The following ATP2B4 variants were observed in gnomAD, a reference collection of about 807,000 sequenced individuals.
ATP2B4 encodes plasma membrane calcium-transporting ATPase 4.
In ATP2B4, 39 loss-of-function variants were observed where a neutral mutation model predicts 110.3. The ratio of observed to expected loss-of-function variants is 0.35; its 90% CI spans 0.27 to 0.46. The LOEUF (loss-of-function observed/expected upper bound fraction) is 0.46, where lower values mean the gene tolerates loss of function less well. Ranked by LOEUF, ATP2B4 falls within the 20% of genes least tolerant of loss-of-function variation. ATP2B4 has a pLI of 1.00. For synonymous variants in ATP2B4, 538 were observed against 571.7 expected (o/e 0.94, Z 0.84); for missense variants, 1,135 against 1,530.9 (o/e 0.74, Z 4.32).
chr1:203,672,597 G>A (rs1180138095), intron 1 of ATP2B4, among the ~76,000 whole-genome samples: 2 of 152,148 alleles, frequency 1.3e-5, no homozygotes, highest in Non-Finnish European at 2.9e-5. Flanking sequence ...GTGTTATGGA[G>A]GCGGTGAGCC....
chr1:203,724,715 C>G (rs946891763), intron 19 of ATP2B4, among the ~76,000 whole-genome samples: 4 of 152,024 alleles, frequency 2.6e-5, no homozygotes, highest in Admixed American at 6.6e-5. Context: ...TTTCCAGCCT[C>G]TTCTCTTTCT....
intron 1 of ATP2B4, among the ~76,000 whole-genome samples, chr1:203,642,700 A>G (rs767270547): frequency 6.6e-5 from 10 of 152,154 alleles, no homozygotes; most frequent in Non-Finnish European, 1.2e-4. Flanking sequence ...TGTGTCCTAA[A>G]TCACCTAGTT....
intron 2 of ATP2B4, among the ~76,000 whole-genome samples, chr1:203,691,512 A>T (rs1244119763): frequency 6.6e-6 from 1 of 152,212 alleles, no homozygotes; most frequent in Non-Finnish European, 1.5e-5. Flanking sequence ...CTGTTTTCAA[A>T]AAAAGGCCAA....
intron 1 of ATP2B4, among the ~76,000 whole-genome samples, chr1:203,654,581 T>C (rs1664101158): frequency 6.6e-6 from 1 of 152,166 alleles, no homozygotes; most frequent in African/African-American, 2.4e-5. Context: ...GAATCCACCA[T>C]TCTAGAGGCC....
intron 20 of ATP2B4, among the ~76,000 whole-genome samples, chr1:203,736,863 C>T (rs960105385): frequency 5.3e-5 from 8 of 152,196 alleles, no homozygotes; most frequent in African/African-American, 1.9e-4. Context: ...TTCTCTGAGG[C>T]CAGTGCTGGA....
chr1:203,653,562 AG>A (rs1187261032), intron 1 of ATP2B4, among the ~76,000 whole-genome samples: 1 of 152,200 alleles, frequency 6.6e-6, no homozygotes, highest in Non-Finnish European at 1.5e-5. Context: ...CTTTCTCATT[AG>A]GGGCCAGGGC....
At chr1:203,693,500 CAAGT>C (rs1665444606) in intron 2 of ATP2B4, among the ~76,000 whole-genome samples, 1 of 152,150 alleles carries the variant, frequency 6.6e-6, no homozygotes. Context: ...AAGAAGCAAG[CAAGT>C]GACTTTGAGA....
chr1:203,698,738 G>C (rs1665607376), intron 3 of ATP2B4, among the ~76,000 whole-genome samples: 1 of 152,092 alleles, frequency 6.6e-6, no homozygotes, highest in South Asian at 2.1e-4. Context: ...CTGGGTTCAA[G>C]CAATTCTCGT....
Position 203,711,008 on chromosome 1 carries a change from A to G in ATP2B4, c.1931A>G (p.Asp644Gly), listed in dbSNP as rs774367222. Residue 644 changes from aspartate to glycine, a missense_variant, in exon 12 of 21, where the codon GAC becomes GGC. Asp to Gly is a moderately conservative substitution (Grantham distance 94). Around this residue, in one of 9 missense-constraint regions of ATP2B4, gnomAD observed 368 missense variants for 455.9 expected, o/e 0.81. Transcript: ENST00000357681. ...CGGACTATCTGCATAGCTTACCGGG[A>G]CTTCGATGACACAGAGCCCTCTTGG... ...GLRTICIAYR[D>G]FDDTEPSWDN... The G allele has an allele frequency of 1.4e-5, 23 of 1,613,954 alleles. No individual in the cohort carries two copies. The African/African-American group carries it at 2.4e-4, about 17-fold the overall frequency.
chr1:203,627,473 T>A (rs1439984546), intron 1 of ATP2B4, among the ~76,000 whole-genome samples: 2 of 152,124 alleles, frequency 1.3e-5, no homozygotes, highest in Non-Finnish European at 2.9e-5. Flanking sequence ...ATTCCTGGGC[T>A]ATGGGGTAGG....
rs977744035 is a variant in ATP2B4, at chr1:203,729,767, A to G, written c.3309+2196A>G. 2.2e-6 allele frequency: 3 copies of G among 1,338,210 alleles called. No homozygotes were observed. In the African/African-American group the frequency reaches 4.5e-5, roughly 20 times the overall value. 82.9% of individuals were successfully genotyped at this position (1,338,210 alleles called of 1,614,324 possible). A position where few individuals can be genotyped will look rare whatever the true frequency, so the allele number is the denominator to read the frequency against. The stretch of plus-strand genomic sequence containing the variant: ...TGGCCTCACATCCAATTGGGCAGGC[A>G]TTGGAGTCCGGGCACTGCCTGGAGC... On this transcript the variant is annotated intron_variant, in intron 20 of 20. Coordinates refer to ENST00000357681, the MANE Select transcript of ATP2B4 (RefSeq NM_001684.5).
intron 2 of ATP2B4, among the ~76,000 whole-genome samples, chr1:203,686,282 C>G (rs1665177287): frequency 6.6e-6 from 1 of 152,158 alleles, no homozygotes; most frequent in African/African-American, 2.4e-5. Flanking sequence ...CTTGATCCCT[C>G]TGGTCAGCTG....
At chr1:203,654,047 G>A (rs898211298) in intron 1 of ATP2B4, among the ~76,000 whole-genome samples, 10 of 145,564 alleles carry the variant, frequency 6.9e-5, no homozygotes, top group Admixed American at 5.6e-4. Flanking sequence ...GCAATTGTGC[G>A]ATCTCAGCTC....
In ATP2B4 at chr1:203,699,669, C is replaced by G; in HGVS notation, c.601C>G (p.Leu201Val). 6.2e-7 allele frequency: 1 copy of G among 1,614,198 alleles called. No individual in the cohort carries two copies. Among genetic ancestry groups the G allele is most frequent in the Non-Finnish European group, 8.5e-7 (1 of 1,180,036 alleles). The change falls in exon 4 of 21, where the codon CTC becomes GTC. Residue 201 changes from leucine to valine, a missense_variant. This residue lies in a region of ATP2B4 where 101 missense variants were observed against 182.6 expected (regional missense o/e 0.55). Coordinates refer to ENST00000357681, the MANE Select transcript of ATP2B4 (RefSeq NM_001684.5). ...SIIRNGQLIQLPVAEIVVGDI... is the reference protein window; with the variant it reads ...SIIRNGQLIQVPVAEIVVGDI... ...CATCCGAAACGGTCAACTCATCCAG[C>G]TCCCTGTGGCTGAGATTGTGGTTGG... is the stretch of plus-strand genomic sequence containing the variant.
intron 1 of ATP2B4, among the ~76,000 whole-genome samples, chr1:203,641,955 G>C (rs571219019): frequency 6.6e-6 from 1 of 152,174 alleles, no homozygotes; most frequent in African/African-American, 2.4e-5. Context: ...GGTAACTTTT[G>C]TATTCCTAGG....
At chr1:203,701,137 G>A (rs1213531521) in intron 6 of ATP2B4, among the ~76,000 whole-genome samples, 2 of 152,158 alleles carry the variant, frequency 1.3e-5, no homozygotes, top group Non-Finnish European at 2.9e-5. Context: ...CCCAAATCAG[G>A]TTGAATTTGA....
At chr1:203,700,948 C>G (rs775973447) in intron 6 of ATP2B4, 25 bp downstream of exon 6, 1 of 1,604,908 alleles carries the variant, frequency 6.2e-7, no homozygotes, top group South Asian at 1.1e-5. Context: ...GAATGAGATT[C>G]TCTTTCCTCT....
intron 20 of ATP2B4, among the ~76,000 whole-genome samples, chr1:203,738,922 A>G (rs912968592): frequency 1.3e-5 from 2 of 152,192 alleles, no homozygotes; most frequent in African/African-American, 4.8e-5. Flanking sequence ...GCAAATTATT[A>G]TTAGAGAGTT....
chr1:203,697,874 T>G (rs1665578230), intron 2 of ATP2B4, among the ~76,000 whole-genome samples: 1 of 152,086 alleles, frequency 6.6e-6, no homozygotes, highest in Non-Finnish European at 1.5e-5. Context: ...CTGGCTAATT[T>G]TTGTCTTTTT....
Sources: gnomAD v4.1 joint callset for allele counts (sites outside exome capture counted in the v4.1 genomes callset) on GRCh38, gnomAD v4.1.1 for gene constraint, gnomAD v4.1.1 regional missense constraint, MANE v1.5 for transcripts, NCBI Gene and HGNC (gene_info 2026-07-23, HGNC 2026-07-21) for gene names.